ANKH: variants seen among roughly 807,000 people sequenced by gnomAD.
The protein encoded by ANKH is mineralization regulator ANKH.
A neutral mutation model predicts 49.0 loss-of-function variants in ANKH; 15 were observed. That is an observed-to-expected ratio of 0.31 (90% CI 0.20 to 0.47). The LOEUF is 0.47. Ranked by LOEUF, ANKH falls within the 20% of genes least tolerant of loss-of-function variation. ANKH has a pLI of 1.00. For synonymous variants in ANKH, 273 were observed against 260.0 expected (o/e 1.05, Z -0.48); for missense variants, 429 against 652.0 (o/e 0.66, Z 3.72).
At chr5:14,843,122 T>C (rs1741858922) in intron 1 of ANKH, among the ~76,000 whole-genome samples, 1 of 151,650 alleles carries the variant, frequency 6.6e-6, no homozygotes, top group Non-Finnish European at 1.5e-5. Flanking sequence ...GCCCATCTCC[T>C]GGGCCACTCA....
At chr5:14,758,850 A>G (rs889538136) in intron 2 of ANKH, among the ~76,000 whole-genome samples, 2 of 152,240 alleles carry the variant, frequency 1.3e-5, no homozygotes, top group Non-Finnish European at 2.9e-5. Context: ...ACGAGATTGT[A>G]TTCCACATAC....
rs187190956 is a variant in ANKH at position 14,798,224 on chromosome 5, T to C, written c.97-29033A>G. 6.6e-4 allele frequency: 1,063 copies of C among 1,599,712 alleles called. 6 individuals carry two copies. The African/African-American group carries it at 0.012, about 18-fold the overall frequency. On this transcript the variant is annotated intron_variant, in intron 1 of 11. Coordinates refer to ENST00000284268, the MANE Select transcript of ANKH (RefSeq NM_054027.6). The stretch of plus-strand genomic sequence containing the variant: ...GGACAAGTCGATGAAGGCTGAAATC[T>C]TTCCCTTCTGGTCTGGTTACATCTG...
At chr5:14,844,957 G>T (rs1215412963) in intron 1 of ANKH, among the ~76,000 whole-genome samples, 8 of 151,182 alleles carry the variant, frequency 5.3e-5, no homozygotes, top group Non-Finnish European at 1.2e-4. Flanking sequence ...CCTCAGGGGA[G>T]AAATTACTTA....
At chr5:14,793,383 G>T (rs1740266905) in intron 1 of ANKH, among the ~76,000 whole-genome samples, 1 of 151,970 alleles carries the variant, frequency 6.6e-6, no homozygotes, top group Non-Finnish European at 1.5e-5. Flanking sequence ...AGCCATGGTG[G>T]CTTTGCCCAG....
intron 1 of ANKH, among the ~76,000 whole-genome samples, chr5:14,818,423 C>A (rs1351236806): frequency 6.6e-6 from 1 of 151,866 alleles, no homozygotes; most frequent in African/African-American, 2.4e-5. Context: ...GTATGGATCA[C>A]CTGAGGTCAG....
At chr5:14,716,934 G>C (rs1737489486) in intron 8 of ANKH, 99 bp from the exon 9 acceptor site, 1 of 1,493,612 alleles carries the variant, frequency 6.7e-7, no homozygotes, top group Non-Finnish European at 9.2e-7. Flanking sequence ...TTACGAAAGA[G>C]GGACAACCGG....
chr5:14,843,420 C>G (rs1350543074), intron 1 of ANKH, among the ~76,000 whole-genome samples: 4 of 151,784 alleles, frequency 2.6e-5, no homozygotes, highest in African/African-American at 7.3e-5. Context: ...AGGCAATCTG[C>G]CTGCCTCGGC....
At chr5:14,784,177 T>C (rs907839773) in intron 1 of ANKH, among the ~76,000 whole-genome samples, 15 of 152,266 alleles carry the variant, frequency 9.9e-5, no homozygotes, top group African/African-American at 3.4e-4. Flanking sequence ...TGTTACCTTA[T>C]TGGTTTTATC....
At chr5:14,746,028 GGT>G in intron 6 of ANKH, 66 bp from the exon 7 acceptor site, 1 of 1,350,784 alleles carries the variant, frequency 7.4e-7, no homozygotes, top group Non-Finnish European at 1.1e-6. Flanking sequence ...AGCTACAGTA[GGT>G]GACGAAGCAC....
intron 1 of ANKH, among the ~76,000 whole-genome samples, chr5:14,794,015 G>A (rs188008234): frequency 9.2e-5 from 14 of 152,348 alleles, no homozygotes; most frequent in South Asian, 8.3e-4. Flanking sequence ...ATCTGATGGC[G>A]AACTTTTGTT....
intron 1 of ANKH, among the ~76,000 whole-genome samples, chr5:14,850,189 A>T (rs1390748172): frequency 5.3e-5 from 8 of 151,382 alleles, no homozygotes; most frequent in Admixed American, 5.3e-4. Context: ...GCCCCCCACC[A>T]CTCCCACCGG....
chr5:14,716,004 CTTTTTT>C (rs754816502), intron 9 of ANKH, among the ~76,000 whole-genome samples: 39 of 152,240 alleles, frequency 2.6e-4, no homozygotes, highest in Non-Finnish European at 4.1e-4. Context: ...CTCTATTTTT[CTTTTTT>C]TGATTTCACT....
intron 1 of ANKH, among the ~76,000 whole-genome samples, chr5:14,771,453 G>C (rs1338512871): frequency 6.6e-6 from 1 of 152,092 alleles, no homozygotes. Flanking sequence ...TCTCCTGTCC[G>C]GCCTGCCACC....
chr5:14,818,563 A>G (rs1466327863), intron 1 of ANKH, among the ~76,000 whole-genome samples: 1 of 141,992 alleles, frequency 7.0e-6, no homozygotes, highest in African/African-American at 2.7e-5. Flanking sequence ...AATCGCTTGA[A>G]CCCTGGGAGG....
intron 11 of ANKH, among the ~76,000 whole-genome samples, chr5:14,711,806 G>A (rs1737218959): frequency 6.6e-6 from 1 of 152,200 alleles, no homozygotes; most frequent in Non-Finnish European, 1.5e-5. Context: ...TCCCTGCCAT[G>A]TTGCCTGTTC....
chr5:14,746,121 C>A (rs991599608), intron 6 of ANKH, among the ~76,000 whole-genome samples, 159 bp from the exon 7 acceptor site: 2 of 151,970 alleles, frequency 1.3e-5, no homozygotes, highest in Admixed American at 6.6e-5. Context: ...CGGCCCAGGA[C>A]GGGGGGAACT....
chr5:14,861,645 G>A (rs1244113727), intron 1 of ANKH, among the ~76,000 whole-genome samples: 1 of 152,132 alleles, frequency 6.6e-6, no homozygotes, highest in African/African-American at 2.4e-5. Context: ...CCCAGGCTGG[G>A]GACAGTGATG....
rs759729792 is a variant in ANKH at position 14,716,696 on chromosome 5, T to G, written c.1141+10A>C. 1.2e-6 allele frequency: 2 copies of G among 1,613,900 alleles called. No individual in the cohort carries two copies. The highest frequency in any genetic ancestry group is 2.2e-5 in the South Asian group (2 of 91,078). On this transcript the variant is annotated intron_variant, in intron 9 of 11. Transcript: ENST00000284268. ...AACAGGAATGCTTCCTTCATTCTGT[T>G]TTTCTTTACCTGGAACTGGGAAGAA...
At position 14,707,464 on chromosome 5, in the gene ANKH, A is replaced by G. The variant is rs1379909285; in HGVS notation, c.*3733T>C. On this transcript the variant is annotated 3_prime_UTR_variant, in exon 12 of 12. Transcript: ENST00000284268. ...ACATTTCACACTTCTTATTCTGAAAATATAAGTGAATAAATTTTGAGAGTT... is the reference window on the plus strand; with the variant it reads ...ACATTTCACACTTCTTATTCTGAAAGTATAAGTGAATAAATTTTGAGAGTT... 1.3e-5 allele frequency: 2 copies of G among 152,220 alleles called. No homozygotes were observed. Among genetic ancestry groups the G allele is most frequent in the Non-Finnish European group, 2.9e-5 (2 of 68,040 alleles). 9.4% of individuals were successfully genotyped at this position (152,220 alleles called of 1,614,324 possible).
Sources: allele counts gnomAD v4.1 joint callset (sites outside exome capture counted in the v4.1 genomes callset), GRCh38; gene constraint gnomAD v4.1.1; transcripts MANE v1.5; gene names NCBI Gene and HGNC (gene_info 2026-07-23, HGNC 2026-07-21).